The following DSCAM variants were observed in gnomAD, a reference collection of about 807,000 sequenced individuals.
DSCAM encodes the protein DS cell adhesion molecule, also known as cell adhesion molecule DSCAM.
Under a neutral mutation model 217.7 loss-of-function variants are expected in DSCAM, and 47 were observed. The observed-to-expected ratio is 0.22, with a 90% CI of 0.17 to 0.28. The LOEUF (loss-of-function observed/expected upper bound fraction) is 0.28, where lower values mean the gene tolerates loss of function less well. Ranked by LOEUF, DSCAM falls within the 10% of genes least tolerant of loss-of-function variation. DSCAM has a pLI of 1.00. For synonymous variants in DSCAM, 1,056 were observed against 1,015.3 expected (o/e 1.04, Z -0.76); for missense variants, 2,080 against 2,618.3 (o/e 0.79, Z 4.49).
At chr21:40,134,486 T>C (rs1009834524) in intron 18 of DSCAM, among the ~76,000 whole-genome samples, 8 of 152,218 alleles carry the variant, frequency 5.3e-5, no homozygotes, top group Non-Finnish European at 8.8e-5. Context: ...TTAACATACA[T>C]GTATTTTTAA....
chr21:40,708,833 C>G (rs2090746071), intron 1 of DSCAM, 62 bp from the exon 2 acceptor site: 1 of 1,193,222 alleles, frequency 8.4e-7, no homozygotes. Context: ...ATTTGCAGTT[C>G]AATGTCTGGC....
rs2090479801 is a variant in DSCAM at position 40,156,373 on chromosome 21, CA to C, written c.3018+10844del. 3.3e-5 allele frequency among the ~76,000 whole-genome samples: 5 copies of C among 151,138 alleles called. No individual in the cohort carries two copies. In the South Asian group the frequency reaches 1.1e-3, roughly 32 times the overall value. ...TTGTAAAGGAGTAAGCGGCATCAGT[CA>C]CACGCCGGGTTGTTGCAGCCTTTGT... On this transcript the variant is annotated intron_variant, in intron 16 of 32. Transcript: ENST00000400454.
At chr21:40,539,482 C>T (rs1209889040) in intron 3 of DSCAM, among the ~76,000 whole-genome samples, 4 of 148,280 alleles carry the variant, frequency 2.7e-5, no homozygotes, top group East Asian at 2.0e-4. Flanking sequence ...GGCGACAGAG[C>T]GAGACTCCAT....
chr21:40,509,900 G>A (rs1041104885), intron 3 of DSCAM, among the ~76,000 whole-genome samples: 14 of 152,074 alleles, frequency 9.2e-5, no homozygotes, highest in African/African-American at 2.9e-4. Context: ...CGAGGCAGGC[G>A]GATCACGAGT....
intron 11 of DSCAM, among the ~76,000 whole-genome samples, chr21:40,231,917 A>G (rs899471064): frequency 1.3e-5 from 2 of 152,192 alleles, no homozygotes; most frequent in African/African-American, 4.8e-5. Flanking sequence ...TTATTTACCA[A>G]TCTGATATAT....
chr21:40,778,978 C>T (rs910001971), intron 1 of DSCAM, among the ~76,000 whole-genome samples: 1 of 135,878 alleles, frequency 7.4e-6, no homozygotes, highest in Non-Finnish European at 1.5e-5. Flanking sequence ...GAGCTGACAT[C>T]GTGCCATTGC....
intron 8 of DSCAM, among the ~76,000 whole-genome samples, chr21:40,330,405 C>CAT (rs34922926): frequency 0.5 from 71,954 of 143,224 alleles, 18,630 homozygotes; most frequent in East Asian, 0.64. Flanking sequence ...ATATATTATA[C>CAT]ATATATATAT....
chr21:40,079,812 AG>A (rs3215893), intron 25 of DSCAM, among the ~76,000 whole-genome samples: 75,223 of 151,986 alleles, frequency 0.49, 19,850 homozygotes, highest in South Asian at 0.71. Flanking sequence ...GGTGGGAGCA[AG>A]GGTGGCTAAG....
intron 3 of DSCAM, among the ~76,000 whole-genome samples, chr21:40,498,668 C>CCCATAT (rs1555846358): frequency 3.9e-4 from 11 of 28,526 alleles, no homozygotes; most frequent in African/African-American, 1.2e-3. Flanking sequence ...TATATATACC[C>CCCATAT]ATATATATAT....
At chr21:40,519,053 C>T (rs1164854938) in intron 3 of DSCAM, among the ~76,000 whole-genome samples, 1 of 152,126 alleles carries the variant, frequency 6.6e-6, no homozygotes, top group African/African-American at 2.4e-5. Context: ...GTATTATAAT[C>T]TTATGGGACT....
chr21:40,022,493 C>T (rs537913386), intron 32 of DSCAM, among the ~76,000 whole-genome samples: 1 of 152,378 alleles, frequency 6.6e-6, no homozygotes, highest in African/African-American at 2.4e-5. Context: ...TTGTACCCCT[C>T]AGCCTCAGAA....
chr21:40,746,557 A>G (rs1436581179), intron 1 of DSCAM, among the ~76,000 whole-genome samples: 1 of 151,958 alleles, frequency 6.6e-6, no homozygotes, highest in Non-Finnish European at 1.5e-5. Context: ...GAGACCCTCA[A>G]ATATGTAAGG....
At chr21:40,262,920 T>C (rs1303605706) in intron 11 of DSCAM, among the ~76,000 whole-genome samples, 1 of 152,228 alleles carries the variant, frequency 6.6e-6, no homozygotes, top group African/African-American at 2.4e-5. Context: ...ACCTTGGAGC[T>C]TTCTTGCCAT....
At chr21:40,091,698 A>G (rs1170794091) in intron 21 of DSCAM, among the ~76,000 whole-genome samples, 1 of 152,198 alleles carries the variant, frequency 6.6e-6, no homozygotes, top group Non-Finnish European at 1.5e-5. Flanking sequence ...ATGGACTCAC[A>G]GTGCCACATG....
At chr21:40,545,483 T>A (rs746866862) in intron 3 of DSCAM, among the ~76,000 whole-genome samples, 3 of 152,176 alleles carry the variant, frequency 2.0e-5, no homozygotes, top group Non-Finnish European at 4.4e-5. Flanking sequence ...CCACTTTTTC[T>A]TTCAGTCTGT....
At chr21:40,844,094 G>T (rs1237583283) in intron 1 of DSCAM, among the ~76,000 whole-genome samples, 1 of 152,174 alleles carries the variant, frequency 6.6e-6, no homozygotes, top group South Asian at 2.1e-4. Flanking sequence ...CAAAGTTGAG[G>T]TATAACAAAA....
intron 22 of DSCAM, among the ~76,000 whole-genome samples, chr21:40,086,582 T>C (rs771463000): frequency 3.3e-5 from 5 of 152,170 alleles, no homozygotes; most frequent in African/African-American, 1.2e-4. Context: ...TTAACTTATA[T>C]CCTAATTTCT....
chr21:40,766,164 G>C (rs1223297185), intron 1 of DSCAM, among the ~76,000 whole-genome samples: 1 of 152,164 alleles, frequency 6.6e-6, no homozygotes, highest in Non-Finnish European at 1.5e-5. Flanking sequence ...GGGGAAGAAA[G>C]ACTAATTAAA....
intron 20 of DSCAM, among the ~76,000 whole-genome samples, chr21:40,111,230 T>A (rs2089895264): frequency 6.6e-6 from 1 of 152,298 alleles, no homozygotes; most frequent in East Asian, 1.9e-4. Context: ...GCAGAAACTC[T>A]ACAAGCCAGA....
Sources: gnomAD v4.1 joint callset for allele counts (sites outside exome capture counted in the v4.1 genomes callset) on GRCh38, gnomAD v4.1.1 for gene constraint, MANE v1.5 for transcripts, NCBI Gene and HGNC (gene_info 2026-07-23, HGNC 2026-07-21) for gene names.